SLF2: variants seen among roughly 807,000 people sequenced by gnomAD.
SLF2 encodes SMC5-SMC6 complex localization factor protein 2.
SLF2 carries 68 observed loss-of-function variants against 124.3 expected under a neutral mutation model. That is an observed-to-expected ratio of 0.55 (90% CI 0.45 to 0.67). SLF2 has a LOEUF of 0.67. SLF2 is among the 30% of genes least tolerant of loss of function. The pLI is 0.00. For synonymous variants in SLF2, 480 were observed against 478.8 expected (o/e 1.00, Z -0.03); for missense variants, 1,246 against 1,373.7 (o/e 0.91, Z 1.47).
chr10:100,960,106 T>C (rs188845638), intron 19 of SLF2, among the ~76,000 whole-genome samples: 1 of 152,362 alleles, frequency 6.6e-6, no homozygotes, highest in Non-Finnish European at 1.5e-5. Flanking sequence ...ATCCATGTTA[T>C]AGCATGTACA....
chr10:100,931,830 A>G (rs1317474593), intron 9 of SLF2, among the ~76,000 whole-genome samples: 1 of 152,066 alleles, frequency 6.6e-6, no homozygotes, highest in Non-Finnish European at 1.5e-5. Context: ...TGTCTCTACT[A>G]AAAATACAAA....
intron 11 of SLF2, among the ~76,000 whole-genome samples, chr10:100,941,571 C>T (rs1849980761): frequency 6.6e-6 from 1 of 152,166 alleles, no homozygotes; most frequent in Non-Finnish European, 1.5e-5. Flanking sequence ...TTCACTGTTG[C>T]AGGAACTCGC....
chr10:100,932,104 T>G (rs1849748469), intron 9 of SLF2, among the ~76,000 whole-genome samples: 1 of 152,084 alleles, frequency 6.6e-6, no homozygotes, highest in Non-Finnish European at 1.5e-5. Context: ...GAATTATGCT[T>G]CTTTCAAAGA....
chr10:100,913,117 A>G lies in SLF2; in HGVS notation c.7A>G (p.Arg3Gly), dbSNP rs1460545448. The change falls in exon 1 of 20, where the codon AGG becomes GGG. Residue 3 changes from arginine (R) to glycine (G), a missense_variant. Coordinates refer to ENST00000238961, the MANE Select transcript of SLF2 (RefSeq NM_018121.4). Reference sequence around the variant, plus strand: ...CGTCGCCAGCGGCGCCGACATGACAAGGCGCTGCATGCCCGCTAGGCCAGG... The same window carrying G: ...CGTCGCCAGCGGCGCCGACATGACAGGGCGCTGCATGCCCGCTAGGCCAGG... MT[R>G]RCMPARPGFP... 6.2e-7 allele frequency: 1 copy of G among 1,612,376 alleles called. No homozygotes were observed. Among genetic ancestry groups the G allele is most frequent in the South Asian group, 1.1e-5 (1 of 90,958 alleles).
intron 9 of SLF2, 125 bp from the exon 10 acceptor site, chr10:100,937,277 C>A: frequency 1.3e-6 from 1 of 759,120 alleles, no homozygotes; most frequent in South Asian, 1.4e-5. Context: ...TCACAAAGTG[C>A]TAGGATTACA....
chr10:100,956,439 T>C lies in SLF2; in HGVS notation c.3331-12T>C, dbSNP rs1850329820. The C allele has an allele frequency of 6.3e-7, 1 of 1,586,560 alleles. No homozygotes were observed. The stretch of plus-strand genomic sequence containing the variant: ...CAGAATTGTTTTCATCCCTTGCATT[T>C]GTTTTGCACAGAAACACTTTGTGCT... On this transcript the variant is annotated splice_polypyrimidine_tract_variant and intron_variant, in intron 17 of 19. Transcript: ENST00000238961.
At chr10:100,919,319 A>G (rs1849483221) in intron 4 of SLF2, among the ~76,000 whole-genome samples, 1 of 152,020 alleles carries the variant, frequency 6.6e-6, no homozygotes, top group Non-Finnish European at 1.5e-5. Flanking sequence ...CCCCCAGGAA[A>G]CATAATCTTA....
intron 4 of SLF2, among the ~76,000 whole-genome samples, chr10:100,918,937 T>G (rs1849473696): frequency 6.6e-6 from 1 of 151,850 alleles, no homozygotes; most frequent in Non-Finnish European, 1.5e-5. Flanking sequence ...TTCCTAACAG[T>G]ATGTTTCTCA....
intron 11 of SLF2, among the ~76,000 whole-genome samples, chr10:100,941,855 C>T (rs2133805690): frequency 6.6e-6 from 1 of 152,174 alleles, no homozygotes; most frequent in Middle Eastern, 3.4e-3. Flanking sequence ...AAGTAACTTG[C>T]CCAAGGTTAT....
Position 100,962,098 on chromosome 10 carries a change from G to C in SLF2, c.*186G>C, listed in dbSNP as rs1324432627. On this transcript the variant is annotated 3_prime_UTR_variant, in exon 20 of 20. Coordinates refer to ENST00000238961, the MANE Select transcript of SLF2 (RefSeq NM_018121.4). ...CATTTCTGAAGCAGATATGAAATAT[G>C]ATCTGCTTAATTGTTAAGGCAACTG... 3 of 514,502 alleles carry C rather than the reference G, an allele frequency of 5.8e-6. No individual in the cohort carries two copies. The East Asian group carries it at 9.0e-5, about 15-fold the overall frequency. The allele number at this position is 514,502 out of a possible 1,614,324, so 31.9% of individuals were successfully genotyped here.
intron 12 of SLF2, among the ~76,000 whole-genome samples, chr10:100,944,400 C>T (rs1478332259): frequency 2.7e-5 from 4 of 147,942 alleles, no homozygotes; most frequent in African/African-American, 5.0e-5. Flanking sequence ...GAGGCTGAGG[C>T]AGGAGAATGG....
chr10:100,935,117 G>A (rs994162616), intron 9 of SLF2, among the ~76,000 whole-genome samples: 20 of 151,946 alleles, frequency 1.3e-4, no homozygotes, highest in African/African-American at 4.6e-4. Context: ...TATGTCAGGC[G>A]GGGCGTGATG....
Position 100,937,444 on chromosome 10 carries a change from T to C in SLF2, c.2479T>C (p.Leu827=). The change falls in exon 10 of 20, where the codon TTA becomes CTA. Residue 827 remains leucine (L), a synonymous_variant. Coordinates refer to ENST00000238961, the MANE Select transcript of SLF2 (RefSeq NM_018121.4). The part of the protein sequence containing the change: ...HTDCIVSVQI[L]STLMEITIRN... ...AGACTGTATTGTGTCAGTGCAGATTTTAAGTACATTGATGGAAATAACAAT... is the reference window on the plus strand; with the variant it reads ...AGACTGTATTGTGTCAGTGCAGATTCTAAGTACATTGATGGAAATAACAAT... 6.2e-7 allele frequency: 1 copy of C among 1,608,294 alleles called. No homozygotes were observed. Among genetic ancestry groups the C allele is most frequent in the Non-Finnish European group, 8.5e-7 (1 of 1,174,828 alleles).
At chr10:100,948,366 C>T (rs538267379) in intron 15 of SLF2, among the ~76,000 whole-genome samples, 1 of 152,286 alleles carries the variant, frequency 6.6e-6, no homozygotes, top group East Asian at 1.9e-4. Flanking sequence ...ACTGGTGGCA[C>T]ACACCTATCG....
Position 100,929,316 on chromosome 10 carries a change from G to T in SLF2, c.2043-1G>T. ...GTTATAACATTCTTTCCAATTCTCA[G>T]GCTAGATGAACTGCAGAAGCAACTA... On this transcript the variant is annotated splice_acceptor_variant, in intron 6 of 19. Coordinates refer to ENST00000238961, the MANE Select transcript of SLF2 (RefSeq NM_018121.4). LOFTEE classifies it high-confidence loss of function. 1 of 1,607,484 alleles carries T rather than the reference G, an allele frequency of 6.2e-7. No homozygotes were observed. The highest frequency in any genetic ancestry group is 8.5e-7 in the Non-Finnish European group (1 of 1,177,480).
chr10:100,936,511 A>G (rs1564777635), intron 9 of SLF2, among the ~76,000 whole-genome samples: 1 of 151,596 alleles, frequency 6.6e-6, no homozygotes, highest in East Asian at 2.0e-4. Context: ...TTCTTTTTGT[A>G]TTTTTAGTAG....
chr10:100,950,175 G>A lies in SLF2; in HGVS notation c.3220G>A (p.Asp1074Asn), dbSNP rs757795689. 137 of 1,613,738 alleles carry A rather than the reference G, an allele frequency of 8.5e-5. No homozygotes were observed. The highest frequency in any genetic ancestry group is 1.1e-4 in the Non-Finnish European group (133 of 1,179,898). Residue 1074 changes from aspartate to asparagine, a missense_variant, in exon 16 of 20, where the codon GAT becomes AAT. Asp to Asn is a conservative substitution (Grantham distance 23). Around this residue, in one of 3 missense-constraint regions of SLF2, gnomAD observed 535 missense variants for 632.8 expected, o/e 0.85. Transcript: ENST00000238961. The stretch of plus-strand genomic sequence containing the variant: ...GGCTGAACAACCAGATGGCATTATT[G>A]ATGACAGTCTTCATTTAGAACTTGA... ...KKAEQPDGII[D>N]DSLHLELEKQ... is the part of the protein sequence containing the mutation.
chr10:100,920,788 A>G (rs1438670314), intron 4 of SLF2, among the ~76,000 whole-genome samples: 1 of 152,094 alleles, frequency 6.6e-6, no homozygotes, highest in Non-Finnish European at 1.5e-5. Context: ...CGTCTCTACT[A>G]AAATTACAAA....
chr10:100,914,590 A>AATCAATAACAAG (rs1333328118), intron 1 of SLF2, among the ~76,000 whole-genome samples: 3 of 152,176 alleles, frequency 2.0e-5, no homozygotes, highest in Non-Finnish European at 2.9e-5. Flanking sequence ...ATCTCTCCTC[A>AATCAATAACAAG]ATCAATAACA....
Sources: gnomAD v4.1 joint callset for allele counts (sites outside exome capture counted in the v4.1 genomes callset) on GRCh38, gnomAD v4.1.1 for gene constraint, gnomAD v4.1.1 regional missense constraint, MANE v1.5 for transcripts, NCBI Gene and HGNC (gene_info 2026-07-23, HGNC 2026-07-21) for gene names.